The following CXXC5 variants were observed in gnomAD, a reference collection of about 807,000 sequenced individuals.
CXXC5 encodes CXXC finger protein 5.
In CXXC5, 2 loss-of-function variants were observed where a neutral mutation model predicts 17.6. That is an observed-to-expected ratio of 0.11 (90% CI 0.05 to 0.36). CXXC5 has a LOEUF of 0.36. CXXC5 is among the 10% of genes least tolerant of loss of function. The pLI is 1.00. For synonymous variants in CXXC5, 171 were observed against 193.0 expected (o/e 0.89, Z 0.94); for missense variants, 343 against 458.3 (o/e 0.75, Z 2.30).
rs996362632 is a variant in CXXC5 at position 139,670,548 on chromosome 5, G to A, written c.-160-9816G>A. ...GGGCCCCAGACTCATACAGCCCAGA[G>A]CTCCTGACACAACTCACAGTGCATG... On this transcript the variant is annotated intron_variant, in intron 1 of 2. Transcript: ENST00000302517. The surrounding 1 kb of genome is among the most constrained non-coding windows in gnomAD (Gnocchi z 4.2). Among the ~76,000 whole-genome samples, 2 of 152,204 alleles carry A rather than the reference G, an allele frequency of 1.3e-5. No homozygotes were observed. Among genetic ancestry groups the A allele is most frequent in the African/African-American group, 4.8e-5 (2 of 41,438 alleles).
chr5:139,680,084 T>G, intron 1 of CXXC5: 2 of 191,064 alleles, frequency 1.0e-5, no homozygotes, highest in Admixed American at 1.1e-4. Context: ...GCCTCCACCA[T>G]GCCGCTTGGT....
intron 1 of CXXC5, among the ~76,000 whole-genome samples, chr5:139,676,941 C>A (rs932125662): frequency 5.3e-5 from 8 of 151,330 alleles, no homozygotes; most frequent in South Asian, 4.2e-4. Flanking sequence ...ATTCTGCCCC[C>A]GCATGCCCCT....
intron 1 of CXXC5, among the ~76,000 whole-genome samples, chr5:139,676,731 CTT>C (rs1352888391): frequency 6.6e-6 from 1 of 150,566 alleles, no homozygotes; most frequent in Non-Finnish European, 1.5e-5. Flanking sequence ...GTTTCCTTGT[CTT>C]TTAGACCCTC....
Position 139,656,478 on chromosome 5 carries a change from C to T in CXXC5, c.-161+7633C>T, listed in dbSNP as rs985365732. On this transcript the variant is annotated intron_variant, in intron 1 of 2. Transcript: ENST00000302517. ...ACACATGTGTGCAGAAAGACACCCT[C>T]ACCCATGAAAACATGCTGGCTTATA... 4.6e-5 allele frequency among the ~76,000 whole-genome samples: 7 copies of T among 152,366 alleles called. No homozygotes were observed. In the South Asian group the frequency reaches 6.2e-4, roughly 14 times the overall value.
rs1755838457 is a variant in CXXC5, at chr5:139,661,904, C to A, written c.-161+13059C>A. 1.3e-5 allele frequency among the ~76,000 whole-genome samples: 2 copies of A among 152,234 alleles called. No homozygotes were observed. Among genetic ancestry groups the A allele is most frequent in the South Asian group, 4.1e-4 (2 of 4,832 alleles). On this transcript the variant is annotated intron_variant, in intron 1 of 2. Transcript: ENST00000302517. The surrounding 1 kb of genome is among the most constrained non-coding windows in gnomAD (Gnocchi z 4.7). Reference sequence around the variant, plus strand: ...AGTATCAGGCATGAGAGTGTTAAACCCACTGCCCTCTAGTACGGGGCCTCT... The same window carrying A: ...AGTATCAGGCATGAGAGTGTTAAACACACTGCCCTCTAGTACGGGGCCTCT...
chr5:139,677,331 G>C (rs1009515587), intron 1 of CXXC5, among the ~76,000 whole-genome samples: 4 of 152,074 alleles, frequency 2.6e-5, no homozygotes, highest in African/African-American at 9.7e-5. Flanking sequence ...CCTGGAAGGG[G>C]ATGGCTGTGT....
chr5:139,657,296 G>C (rs1755540870), intron 1 of CXXC5, among the ~76,000 whole-genome samples: 1 of 152,216 alleles, frequency 6.6e-6, no homozygotes, highest in South Asian at 2.1e-4. Context: ...CAGGCTGTTG[G>C]CCTCTGTGTG....
rs1755840285 is a variant in CXXC5, at chr5:139,661,921, G to A, written c.-161+13076G>A. ...TGTTAAACCCACTGCCCTCTAGTAC[G>A]GGGCCTCTGGCCCAGGCAGAGTGGG... On this transcript the variant is annotated intron_variant, in intron 1 of 2. Transcript: ENST00000302517. This position sits in a 1 kb window ranked among gnomAD's most constrained non-coding sequence, Gnocchi z 4.7. 6.6e-6 allele frequency among the ~76,000 whole-genome samples: 1 copy of A among 152,234 alleles called. No individual in the cohort carries two copies. Among genetic ancestry groups the A allele is most frequent in the South Asian group, 2.1e-4 (1 of 4,836 alleles).
At chr5:139,653,849 C>T (rs1004733667) in intron 1 of CXXC5, among the ~76,000 whole-genome samples, 2 of 152,056 alleles carry the variant, frequency 1.3e-5, no homozygotes, top group East Asian at 1.9e-4. Flanking sequence ...TCTGGGCTCA[C>T]AGGGCCTAGG....
intron 1 of CXXC5, among the ~76,000 whole-genome samples, chr5:139,672,849 C>T (rs753652304): frequency 1.2e-4 from 18 of 152,172 alleles, no homozygotes; most frequent in Non-Finnish European, 1.8e-4. Flanking sequence ...GGCCTCAGGC[C>T]TCCAGTTCCC....
At chr5:139,667,473 A>G (rs1179058700) in intron 1 of CXXC5, among the ~76,000 whole-genome samples, 1 of 152,114 alleles carries the variant, frequency 6.6e-6, no homozygotes, top group Non-Finnish European at 1.5e-5. Flanking sequence ...TTGTGCCCCT[A>G]TTTTACAGAT....
In CXXC5 at chr5:139,661,133, G is replaced by A. The variant is rs1424072354; in HGVS notation, c.-161+12288G>A. Reference sequence around the variant, plus strand: ...CCCTTTTCAGAGGCCTGGGGAAGCAGCAGGTTATTTATCAAGCCAGCCTCC... The same window carrying A: ...CCCTTTTCAGAGGCCTGGGGAAGCAACAGGTTATTTATCAAGCCAGCCTCC... On this transcript the variant is annotated intron_variant, in intron 1 of 2. Transcript: ENST00000302517. The surrounding 1 kb of genome is among the most constrained non-coding windows in gnomAD (Gnocchi z 4.7). Among the ~76,000 whole-genome samples the A allele has an allele frequency of 6.6e-6, 1 of 152,172 alleles. No individual in the cohort carries two copies. The highest frequency in any genetic ancestry group is 1.5e-5 in the Non-Finnish European group (1 of 68,014).
chr5:139,653,783 C>A (rs1437601631), intron 1 of CXXC5, among the ~76,000 whole-genome samples: 2 of 152,176 alleles, frequency 1.3e-5, no homozygotes, highest in African/African-American at 4.8e-5. Flanking sequence ...AATCCCCCGC[C>A]AGCTCAATTA....
At chr5:139,660,516 C>G (rs533683220) in intron 1 of CXXC5, among the ~76,000 whole-genome samples, 1 of 152,146 alleles carries the variant, frequency 6.6e-6, no homozygotes, top group African/African-American at 2.4e-5. Flanking sequence ...ATCTCCTATG[C>G]GAAGACCCCA....
rs1755960592 is a variant in CXXC5 at position 139,663,989 on chromosome 5, C to T, written c.-161+15144C>T. Among the ~76,000 whole-genome samples, 2 of 152,204 alleles carry T rather than the reference C, an allele frequency of 1.3e-5. No individual in the cohort carries two copies. The highest frequency in any genetic ancestry group is 4.8e-5 in the African/African-American group (2 of 41,440). On this transcript the variant is annotated intron_variant, in intron 1 of 2. Coordinates refer to ENST00000302517, the MANE Select transcript of CXXC5 (RefSeq NM_016463.9). This position sits in a 1 kb window ranked among gnomAD's most constrained non-coding sequence, Gnocchi z 4.2. ...AGCCCCACTTGGACCCTGGCATGGC[C>T]TGAGCCTGTGTCTCTGAGATGAGGG... is the stretch of plus-strand genomic sequence containing the variant.
intron 1 of CXXC5, among the ~76,000 whole-genome samples, chr5:139,674,207 T>C (rs1310706297): frequency 6.6e-6 from 1 of 152,208 alleles, no homozygotes; most frequent in Non-Finnish European, 1.5e-5. Flanking sequence ...GAGCAGGGCT[T>C]CTTTTTCCCT....
chr5:139,655,721 A>C (rs1373232859), intron 1 of CXXC5, among the ~76,000 whole-genome samples: 229 of 128,654 alleles, frequency 1.8e-3, no homozygotes, highest in Middle Eastern at 8.5e-3. Context: ...CTGCCTGTCC[A>C]CCCCCCAACC....
At chr5:139,650,970 G>A (rs1755142025) in intron 1 of CXXC5, 1 of 152,242 alleles carries the variant, frequency 6.6e-6, no homozygotes, top group African/African-American at 2.4e-5. Flanking sequence ...TGGGGAGGAG[G>A]GAGAGGGGGT....
chr5:139,671,594 G>A (rs1292472649), intron 1 of CXXC5, among the ~76,000 whole-genome samples: 1 of 152,230 alleles, frequency 6.6e-6, no homozygotes, highest in East Asian at 1.9e-4. Flanking sequence ...GCCGGAGCCG[G>A]TTTCCGTCCC....
Sources: gnomAD v4.1 joint callset for allele counts (sites outside exome capture counted in the v4.1 genomes callset) on GRCh38, gnomAD v4.1.1 for gene constraint, Gnocchi (gnomAD v3.1) non-coding constraint, MANE v1.5 for transcripts, NCBI Gene and HGNC (gene_info 2026-07-23, HGNC 2026-07-21) for gene names.